CNTN6: variants seen among roughly 807,000 people sequenced by gnomAD.
The protein encoded by CNTN6 is contactin 6, also known as contactin-6.
Under a neutral mutation model 122.8 loss-of-function variants are expected in CNTN6, and 137 were observed. The ratio of observed to expected loss-of-function variants is 1.12; its 90% confidence interval spans 0.97 to 1.29. The LOEUF (loss-of-function observed/expected upper bound fraction) is 1.29. Ranked by LOEUF, CNTN6 falls within the 50% of genes most tolerant of loss-of-function variation. The pLI is 0.00. For missense variants in CNTN6, 1,634 were observed against 1,223.4 expected (o/e 1.34, Z -5.01); for synonymous variants, 570 against 426.0 (o/e 1.34, Z -4.16).
intron 4 of CNTN6, among the ~76,000 whole-genome samples, chr3:1,259,111 T>C (rs1469886263): frequency 1.3e-5 from 2 of 152,138 alleles, no homozygotes; most frequent in African/African-American, 4.8e-5. Flanking sequence ...GAATACTTTA[T>C]AGATGTGTCC....
chr3:1,216,272 A>C (rs1302972276), intron 2 of CNTN6, among the ~76,000 whole-genome samples: 1 of 152,192 alleles, frequency 6.6e-6, no homozygotes, highest in African/African-American at 2.4e-5. Flanking sequence ...TAGAAGTTAT[A>C]ATGAGAATTC....
intron 4 of CNTN6, among the ~76,000 whole-genome samples, chr3:1,261,059 A>G (rs531496394): frequency 3.9e-5 from 6 of 152,164 alleles, no homozygotes; most frequent in Non-Finnish European, 7.4e-5. Context: ...AAAAAATTAG[A>G]GAAACATTGG....
intron 10 of CNTN6, 74 bp downstream of exon 10, chr3:1,327,660 C>T: frequency 2.1e-6 from 3 of 1,461,892 alleles, no homozygotes; most frequent in Non-Finnish European, 2.8e-6. Flanking sequence ...AATCCCAACC[C>T]AATTTTTTTT....
chr3:1,330,907 G>A (rs1241423030), intron 11 of CNTN6, among the ~76,000 whole-genome samples: 1 of 151,920 alleles, frequency 6.6e-6, no homozygotes, highest in African/African-American at 2.4e-5. Context: ...TGCCTTGCGG[G>A]AAATGAGAAC....
intron 2 of CNTN6, among the ~76,000 whole-genome samples, chr3:1,172,034 A>G (rs926987935): frequency 4.6e-5 from 7 of 152,138 alleles, no homozygotes; most frequent in African/African-American, 1.2e-4. Context: ...GTCCCTTGAC[A>G]TGGTAACTCC....
intron 4 of CNTN6, among the ~76,000 whole-genome samples, chr3:1,250,362 C>T (rs2094644960): frequency 1.3e-5 from 2 of 152,140 alleles, no homozygotes; most frequent in Non-Finnish European, 2.9e-5. Flanking sequence ...CTCTATCCTC[C>T]ACCTTCTTTC....
In CNTN6 at chr3:1,352,439, C is replaced by A. The variant is rs774936169; in HGVS notation, c.1480C>A (p.Leu494Ile). 33 of 1,609,504 alleles carry A rather than the reference C, an allele frequency of 2.1e-5. No individual in the cohort carries two copies. Among genetic ancestry groups the A allele is most frequent in the Non-Finnish European group, 2.7e-5 (32 of 1,177,098 alleles). Residue 494 changes from leucine (L) to isoleucine (I), a missense_variant, in exon 12 of 23, where the codon CTC (leucine) becomes ATC (isoleucine). Coordinates refer to ENST00000446702, the MANE Select transcript of CNTN6 (RefSeq NM_001289080.2). ...QFGTAKNTGS[L>I]IVKERTVITV... The stretch of plus-strand genomic sequence containing the variant: ...TGGCACTGCAAAGAACACTGGCAGC[C>A]TCATTGTAAAAGGTATCATATTATC...
At chr3:1,248,461 GA>G (rs1439199082) in intron 4 of CNTN6, among the ~76,000 whole-genome samples, 3 of 152,126 alleles carry the variant, frequency 2.0e-5, no homozygotes, top group African/African-American at 7.2e-5. Context: ...ATGTAAAATA[GA>G]AGCTACTATT....
At chr3:1,214,224 ATC>A (rs1308024927) in intron 2 of CNTN6, among the ~76,000 whole-genome samples, 1 of 150,548 alleles carries the variant, frequency 6.6e-6, no homozygotes, top group Non-Finnish European at 1.5e-5. Context: ...AAGAATAATC[ATC>A]TGTTATTTTT....
At chr3:1,210,445 CTT>C (rs2094020744) in intron 2 of CNTN6, among the ~76,000 whole-genome samples, 1 of 127,194 alleles carries the variant, frequency 7.9e-6, no homozygotes, top group African/African-American at 3.1e-5. Context: ...AGGCTTAACT[CTT>C]TATAGAACCT....
intron 12 of CNTN6, among the ~76,000 whole-genome samples, chr3:1,371,571 C>T (rs1458088749): frequency 6.6e-6 from 1 of 151,954 alleles, no homozygotes; most frequent in Non-Finnish European, 1.5e-5. Context: ...TTAATCTGAA[C>T]AAATATAGGA....
At position 1,094,960 on chromosome 3, in the gene CNTN6, G is replaced by T. The variant is rs191418023; in HGVS notation, c.-83+1840G>T. ...TCAAACTATACATAAAAGTTCAAAA[G>T]GGAAAACCCATCACCTGTAAATAAC... On this transcript the variant is annotated intron_variant, in intron 1 of 22. Transcript: ENST00000446702. 5.9e-5 allele frequency among the ~76,000 whole-genome samples: 9 copies of T among 152,118 alleles called. No homozygotes were observed. The East Asian group carries it at 1.7e-3, about 29-fold the overall frequency.
chr3:1,332,036 C>T (rs1201252094), intron 11 of CNTN6, among the ~76,000 whole-genome samples: 1 of 151,896 alleles, frequency 6.6e-6, no homozygotes, highest in Non-Finnish European at 1.5e-5. Context: ...CCTGTGAGTT[C>T]TATTTATACA....
chr3:1,167,838 T>C (rs923169900), intron 2 of CNTN6, among the ~76,000 whole-genome samples: 16 of 152,368 alleles, frequency 1.1e-4, no homozygotes, highest in Middle Eastern at 3.4e-3. Flanking sequence ...AGCACTCATA[T>C]GTGCTTTCAA....
At chr3:1,251,462 A>G (rs543976707) in intron 4 of CNTN6, among the ~76,000 whole-genome samples, 2 of 152,258 alleles carry the variant, frequency 1.3e-5, no homozygotes, top group East Asian at 3.9e-4. Flanking sequence ...ACTTCTTCTC[A>G]TTAACTTTTA....
At chr3:1,375,032 C>G (rs747145136) in intron 16 of CNTN6, among the ~76,000 whole-genome samples, 1 of 151,940 alleles carries the variant, frequency 6.6e-6, no homozygotes, top group Non-Finnish European at 1.5e-5. Context: ...GTTTTGAATC[C>G]AAACCTCCTG....
chr3:1,304,881 C>G (rs1186743272), intron 7 of CNTN6, among the ~76,000 whole-genome samples: 1 of 149,090 alleles, frequency 6.7e-6, no homozygotes, highest in African/African-American at 2.5e-5. Context: ...GTAATCCCAG[C>G]TCGGGAGGCT....
intron 16 of CNTN6, among the ~76,000 whole-genome samples, chr3:1,375,848 T>C (rs1216772585): frequency 6.6e-6 from 1 of 152,154 alleles, no homozygotes; most frequent in African/African-American, 2.4e-5. Flanking sequence ...CAGATTATCA[T>C]ATGACTATTT....
At chr3:1,389,793 A>C (rs965573230) in intron 20 of CNTN6, among the ~76,000 whole-genome samples, 13 of 150,960 alleles carry the variant, frequency 8.6e-5, no homozygotes, top group Non-Finnish European at 1.9e-4. Context: ...TAAACCAACA[A>C]AGATCAAAAG....
Sources: gnomAD v4.1 joint callset for allele counts (sites outside exome capture counted in the v4.1 genomes callset) on GRCh38, gnomAD v4.1.1 for gene constraint, MANE v1.5 for transcripts, NCBI Gene and HGNC (gene_info 2026-07-23, HGNC 2026-07-21) for gene names.